The following DOCK3 variants were observed in gnomAD, a reference collection of about 807,000 sequenced individuals.
DOCK3 encodes the protein dedicator of cytokinesis protein 3.
A neutral mutation model predicts 265.6 loss-of-function variants in DOCK3; 60 were observed. The ratio of observed to expected loss-of-function variants is 0.23; its 90% CI spans 0.18 to 0.28. The LOEUF (loss-of-function observed/expected upper bound fraction) is 0.28, where lower values mean the gene tolerates loss of function less well. DOCK3 is among the 10% of genes least tolerant of loss of function. The pLI is 1.00. For missense variants in DOCK3, 1,981 were observed against 2,594.3 expected, an observed-to-expected ratio of 0.76 and a Z score of 5.14; for synonymous variants, 881 against 938.0, an observed-to-expected ratio of 0.94 and a Z score of 1.11.
chr3:50,882,420 G>GA (rs766690670), intron 3 of DOCK3, among the ~76,000 whole-genome samples: 1 of 152,022 alleles, frequency 6.6e-6, no homozygotes, highest in African/African-American at 2.4e-5. Flanking sequence ...AAATTTACAA[G>GA]AAAAAATCAA....
intron 2 of DOCK3, among the ~76,000 whole-genome samples, chr3:50,812,062 G>A (rs1559671969): frequency 2.6e-5 from 4 of 152,212 alleles, no homozygotes. Flanking sequence ...CGTGTAGCCT[G>A]CTGGTGGCGG....
chr3:51,280,254 C>T (rs1177156939), intron 27 of DOCK3, 50 bp downstream of exon 27: 3 of 1,549,506 alleles, frequency 1.9e-6, no homozygotes, highest in Non-Finnish European at 2.7e-6. Context: ...GCAGCCAGCA[C>T]TCCCCAGGGG....
chr3:51,158,643 A>C (rs1468627214), intron 10 of DOCK3, among the ~76,000 whole-genome samples: 3 of 152,230 alleles, frequency 2.0e-5, no homozygotes, highest in African/African-American at 7.2e-5. Context: ...TACTTAAAGG[A>C]AACCCTTAAT....
At chr3:51,296,746 G>C (rs1417643036) in intron 27 of DOCK3, among the ~76,000 whole-genome samples, 2 of 151,924 alleles carry the variant, frequency 1.3e-5, no homozygotes, top group African/African-American at 2.4e-5. Flanking sequence ...AAAGTAAATT[G>C]ATTTTTTATA....
intron 3 of DOCK3, among the ~76,000 whole-genome samples, chr3:50,869,077 C>T (rs1363500024): frequency 6.7e-6 from 1 of 149,328 alleles, no homozygotes; most frequent in Non-Finnish European, 1.5e-5. Context: ...CGGGTTCACG[C>T]CATTCTCCTG....
chr3:51,237,371 A>G (rs1411817740), intron 20 of DOCK3, 119 bp from the exon 21 acceptor site: 2 of 765,210 alleles, frequency 2.6e-6, no homozygotes, highest in Admixed American at 5.7e-5. Context: ...CCCATGGGGA[A>G]TGCTAGAGGA....
intron 4 of DOCK3, among the ~76,000 whole-genome samples, chr3:50,911,093 C>T (rs1204668985): frequency 2.6e-5 from 4 of 151,664 alleles, no homozygotes; most frequent in Non-Finnish European, 5.9e-5. Context: ...GCAAATATTT[C>T]CCCCTTTCTA....
At chr3:51,214,094 TTC>T in intron 13 of DOCK3, 26 bp from the exon 14 acceptor site, 1 of 1,613,200 alleles carries the variant, frequency 6.2e-7, no homozygotes, top group Non-Finnish European at 8.5e-7. Flanking sequence ...AGAACTGTGG[TTC>T]TAAGAAAATG....
At chr3:51,349,839 TG>T (rs2085855862) in intron 39 of DOCK3, among the ~76,000 whole-genome samples, 3 of 152,216 alleles carry the variant, frequency 2.0e-5, no homozygotes, top group Admixed American at 2.0e-4. Flanking sequence ...GAACAAGAGT[TG>T]GACTGATGCA....
chr3:50,750,426 T>C (rs769875669), intron 1 of DOCK3, among the ~76,000 whole-genome samples: 1 of 150,862 alleles, frequency 6.6e-6, no homozygotes, highest in Non-Finnish European at 1.5e-5. Flanking sequence ...CAACTCCCGG[T>C]TCAAGCTATT....
At chr3:50,875,090 C>T (rs907114768) in intron 3 of DOCK3, among the ~76,000 whole-genome samples, 5 of 152,078 alleles carry the variant, frequency 3.3e-5, no homozygotes, top group African/African-American at 1.2e-4. Context: ...AGACAAATAC[C>T]TAAAGCATGC....
At chr3:50,799,320 A>G (rs1231924578) in intron 2 of DOCK3, among the ~76,000 whole-genome samples, 3 of 152,206 alleles carry the variant, frequency 2.0e-5, no homozygotes, top group African/African-American at 7.2e-5. Flanking sequence ...GGCCATTTCA[A>G]CAATATTAAT....
intron 5 of DOCK3, among the ~76,000 whole-genome samples, chr3:50,970,525 G>C (rs1368176977): frequency 6.6e-6 from 1 of 151,648 alleles, no homozygotes; most frequent in Admixed American, 6.6e-5. Context: ...GGGTTAATTA[G>C]AAAGACCTGT....
intron 5 of DOCK3, among the ~76,000 whole-genome samples, chr3:50,969,148 A>T (rs73833953): frequency 0.025 from 3,844 of 152,256 alleles, 186 homozygotes; most frequent in African/African-American, 0.088. Context: ...TTAATAAATC[A>T]AGGTGCTCTG....
chr3:50,830,519 A>G (rs1395881829), intron 2 of DOCK3, among the ~76,000 whole-genome samples: 1 of 152,198 alleles, frequency 6.6e-6, no homozygotes, highest in African/African-American at 2.4e-5. Flanking sequence ...CTTCTTATCA[A>G]AGGGGTATTT....
At chr3:51,067,827 A>G (rs777388131) in intron 6 of DOCK3, among the ~76,000 whole-genome samples, 20 of 152,226 alleles carry the variant, frequency 1.3e-4, no homozygotes, top group Non-Finnish European at 2.5e-4. Flanking sequence ...ATTTTGAAAG[A>G]AAAGATGGTA....
At chr3:51,294,385 A>T (rs2081956691) in intron 27 of DOCK3, among the ~76,000 whole-genome samples, 2 of 152,140 alleles carry the variant, frequency 1.3e-5, no homozygotes, top group Admixed American at 1.3e-4. Context: ...ATCTAAAAAA[A>T]ATTGAACTCG....
At chr3:50,882,882 G>A (rs2048122655) in intron 3 of DOCK3, among the ~76,000 whole-genome samples, 1 of 152,166 alleles carries the variant, frequency 6.6e-6, no homozygotes, top group South Asian at 2.1e-4. Flanking sequence ...GTCCATCAAT[G>A]ATAGACTGGA....
chr3:51,276,545 T>C (rs1488253464), intron 25 of DOCK3: 2 of 578,856 alleles, frequency 3.5e-6, no homozygotes, highest in Non-Finnish European at 4.4e-6. Flanking sequence ...GTAAGTGTTA[T>C]GATCAGTTCG....
Sources: allele counts gnomAD v4.1 joint callset (sites outside exome capture counted in the v4.1 genomes callset), GRCh38; gene constraint gnomAD v4.1.1; transcripts MANE v1.5; gene names NCBI Gene and HGNC (gene_info 2026-07-23, HGNC 2026-07-21).